CELF4: variants seen among roughly 807,000 people sequenced by gnomAD.
The protein encoded by CELF4 is CUGBP Elav-like family member 4.
In CELF4, 18 loss-of-function variants were observed where a neutral mutation model predicts 59.9. The ratio of observed to expected loss-of-function variants is 0.30; its 90% CI spans 0.21 to 0.45. CELF4 has a LOEUF of 0.45. Among genes scored for constraint, CELF4 ranks in the 20% least tolerant of loss-of-function variants. The pLI, the probability that CELF4 is intolerant of heterozygous loss-of-function variation, is 1.00. For synonymous variants in CELF4, 261 were observed against 267.1 expected (o/e 0.98, Z 0.22); for missense variants, 456 against 689.0 (o/e 0.66, Z 3.79).
At chr18:37,268,320 G>T (rs909682258) in intron 8 of CELF4, among the ~76,000 whole-genome samples, 1 of 152,168 alleles carries the variant, frequency 6.6e-6, no homozygotes, top group Non-Finnish European at 1.5e-5. Flanking sequence ...GTGCTTGGGA[G>T]GGTGGTCTCC....
intron 2 of CELF4, among the ~76,000 whole-genome samples, chr18:37,468,494 G>A (rs1274558734): frequency 6.6e-6 from 1 of 152,020 alleles, no homozygotes; most frequent in East Asian, 1.9e-4. Flanking sequence ...TTCTCCTCCT[G>A]CCACCTCAAG....
chr18:37,312,404 C>T (rs1271348321), intron 3 of CELF4, among the ~76,000 whole-genome samples: 3 of 152,332 alleles, frequency 2.0e-5, no homozygotes, highest in Middle Eastern at 3.4e-3. Context: ...CTGAGCACCA[C>T]GGACTGCCCG....
At chr18:37,502,393 G>C (rs969748321) in intron 1 of CELF4, among the ~76,000 whole-genome samples, 6 of 152,154 alleles carry the variant, frequency 3.9e-5, no homozygotes, top group East Asian at 1.9e-4. Context: ...AGGAAGGAAG[G>C]GGGGGCAGGG....
intron 2 of CELF4, among the ~76,000 whole-genome samples, chr18:37,359,245 T>G (rs1235800717): frequency 6.6e-6 from 1 of 152,210 alleles, no homozygotes; most frequent in Admixed American, 6.5e-5. Flanking sequence ...TGAGAGGATC[T>G]CAGAGGTGCC....
chr18:37,525,185 C>G (rs1366325818), intron 1 of CELF4, among the ~76,000 whole-genome samples: 1 of 152,198 alleles, frequency 6.6e-6, no homozygotes, highest in Non-Finnish European at 1.5e-5. Context: ...TGGCACTGCG[C>G]TGGCCCGGCT....
Position 37,315,698 on chromosome 18 carries a change from C to T in CELF4, c.448+6105G>A, listed in dbSNP as rs183195994. Among the ~76,000 whole-genome samples the T allele has an allele frequency of 9.8e-5, 15 of 152,288 alleles. No homozygotes were observed. In the East Asian group the frequency reaches 2.9e-3, roughly 29 times the overall value. ...AGACACACGCCCAGTTCCGCACATG[C>T]ACCCAGGGAGGCGGGAAAGAAACGT... On this transcript the variant is annotated intron_variant, in intron 3 of 12. Coordinates refer to ENST00000420428, the MANE Select transcript of CELF4 (RefSeq NM_020180.4).
rs947985677 is a variant in CELF4, at chr18:37,452,547, T to A, written c.369+32978A>T. On this transcript the variant is annotated intron_variant, in intron 2 of 12. Coordinates refer to ENST00000420428, the MANE Select transcript of CELF4 (RefSeq NM_020180.4). ...AGGGGCTAAAATGTCACCTCATGCA[T>A]TGTTTTGGAAGCAGAACTCTCTGGG... Among the ~76,000 whole-genome samples the A allele has an allele frequency of 2.6e-5, 4 of 152,100 alleles. No homozygotes were observed. The South Asian group carries it at 8.3e-4, about 32-fold the overall frequency.
At position 37,254,945 on chromosome 18, in the gene CELF4, G is replaced by A. The variant is rs541542422; in HGVS notation, c.1334-1007C>T. ...GAGAAAGGGCTTGTGTGGTCAGGAG[G>A]TTTAGAGCCAGGCCCACTGGGCCAG... On this transcript the variant is annotated intron_variant, in intron 11 of 12. Transcript: ENST00000420428. The surrounding 1 kb of genome is among the most constrained non-coding windows in gnomAD (Gnocchi z 5.1). 3.9e-5 allele frequency among the ~76,000 whole-genome samples: 6 copies of A among 152,310 alleles called. 1 individual carries two copies. In the South Asian group the frequency reaches 1.2e-3, roughly 32 times the overall value.
rs560451622 is a variant in CELF4, at chr18:37,527,047, AATAAC to A, written c.286+38304_286+38308del. Among the ~76,000 whole-genome samples the A allele has an allele frequency of 6.3e-3, 952 of 152,180 alleles. 7 individuals carry two copies. The highest frequency in any genetic ancestry group is 0.01 in the Middle Eastern group (3 of 294). On this transcript the variant is annotated intron_variant, in intron 1 of 12. Transcript: ENST00000420428. Reference sequence around the variant, plus strand: ...ATGCCATTTATTTACGTAAGCCCCAAATAACATAACATCAATTTAGCAGAACCCTC... The same window carrying A: ...ATGCCATTTATTTACGTAAGCCCCAAATAACATCAATTTAGCAGAACCCTC...
chr18:37,424,933 A>C (rs2099602418), intron 2 of CELF4, among the ~76,000 whole-genome samples: 2 of 152,084 alleles, frequency 1.3e-5, no homozygotes, highest in Non-Finnish European at 2.9e-5. Context: ...CTCTCTCCTG[A>C]ATCTGACCCT....
chr18:37,323,461 C>A (rs901744631), intron 2 of CELF4, among the ~76,000 whole-genome samples: 1 of 152,202 alleles, frequency 6.6e-6, no homozygotes. Flanking sequence ...TCCCTGTGAA[C>A]GAGCTCCTTT....
chr18:37,565,784 GCTCTCTGCTCT>G lies in CELF4; in HGVS notation c.-154_-144del, dbSNP rs1273711007. 5 of 545,118 alleles carry G rather than the reference GCTCTCTGCTCT, an allele frequency of 9.2e-6. No homozygotes were observed. The highest frequency in any genetic ancestry group is 2.1e-5 in the African/African-American group (1 of 48,292). 33.8% of individuals were successfully genotyped at this position (545,118 alleles called of 1,614,324 possible). A position where few individuals can be genotyped will look rare whatever the true frequency, so the allele number is the denominator to read the frequency against. On this transcript the variant is annotated 5_prime_UTR_variant, in exon 1 of 13. Transcript: ENST00000420428. ...TTTCTCTACACCTCGCTCTCCGCTC[GCTCTCTGCTCT>G]CTCTCTTTCTCCTCTTCTCTCGCTC...
rs184381865 is a variant in CELF4, at chr18:37,558,840, A to G, written c.286+6516T>C. On this transcript the variant is annotated intron_variant, in intron 1 of 12. Coordinates refer to ENST00000420428, the MANE Select transcript of CELF4 (RefSeq NM_020180.4). ...GTGTGTGTGTGTGTGTGTGTACACT[A>G]TAAAAGGAAAGTCGCCTGGAATACC... Among the ~76,000 whole-genome samples, 126 of 146,476 alleles carry G rather than the reference A, an allele frequency of 8.6e-4. 1 individual carries two copies. The highest frequency in any genetic ancestry group is 3.1e-3 in the African/African-American group (121 of 39,428).
intron 2 of CELF4, among the ~76,000 whole-genome samples, chr18:37,481,626 C>T (rs535831946): frequency 6.6e-6 from 1 of 152,204 alleles, no homozygotes; most frequent in Non-Finnish European, 1.5e-5. Flanking sequence ...GCCTCTCCTG[C>T]CCTGTGTGAG....
intron 1 of CELF4, among the ~76,000 whole-genome samples, chr18:37,539,751 G>T (rs181420430): frequency 6.6e-6 from 1 of 152,238 alleles, no homozygotes; most frequent in Admixed American, 6.5e-5. Context: ...GTTGAACCCT[G>T]GGCATGTGGC....
chr18:37,466,019 C>G (rs577599217), intron 2 of CELF4, among the ~76,000 whole-genome samples: 2 of 152,302 alleles, frequency 1.3e-5, no homozygotes, highest in East Asian at 3.9e-4. Context: ...CCACTGTGGA[C>G]CACATTTAAC....
intron 3 of CELF4, among the ~76,000 whole-genome samples, chr18:37,281,490 G>A (rs2094135066): frequency 6.6e-6 from 1 of 152,208 alleles, no homozygotes. Flanking sequence ...AGGAAGGTTG[G>A]GGGCTACTGA....
chr18:37,426,838 T>C (rs1279999487), intron 2 of CELF4, among the ~76,000 whole-genome samples: 5 of 152,132 alleles, frequency 3.3e-5, no homozygotes, highest in East Asian at 1.9e-4. Context: ...CTGACAGATA[T>C]GCATTTGTGA....
chr18:37,297,419 C>T (rs2095718278), intron 3 of CELF4, among the ~76,000 whole-genome samples: 1 of 152,206 alleles, frequency 6.6e-6, no homozygotes, highest in Non-Finnish European at 1.5e-5. Flanking sequence ...AGAGCACGGT[C>T]CTCCCGCAGC....
Sources: allele counts gnomAD v4.1 joint callset (sites outside exome capture counted in the v4.1 genomes callset), GRCh38; gene constraint gnomAD v4.1.1; non-coding constraint Gnocchi (gnomAD v3.1); transcripts MANE v1.5; gene names NCBI Gene and HGNC (gene_info 2026-07-23, HGNC 2026-07-21).